ASAP1: variants seen among roughly 807,000 people sequenced by gnomAD.
The protein encoded by ASAP1 is ArfGAP with SH3 domain, ankyrin repeat and PH domain 1, also known as arf-GAP with SH3 domain, ANK repeat and PH domain-containing protein 1.
ASAP1 carries 43 observed loss-of-function variants against 145.2 expected under a neutral mutation model. The ratio of observed to expected loss-of-function variants is 0.30; its 90% CI spans 0.23 to 0.38. The LOEUF (loss-of-function observed/expected upper bound fraction) is 0.38. Ranked by LOEUF, ASAP1 falls within the 10% of genes least tolerant of loss-of-function variation. The pLI is 1.00. For missense variants in ASAP1, 1,018 were observed against 1,355.3 expected, an observed-to-expected ratio of 0.75 and a Z score of 3.91; for synonymous variants, 546 against 515.5, an observed-to-expected ratio of 1.06 and a Z score of -0.80.
At chr8:130,395,101 G>A (rs1456250433) in intron 2 of ASAP1, among the ~76,000 whole-genome samples, 2 of 152,134 alleles carry the variant, frequency 1.3e-5, no homozygotes, top group African/African-American at 4.8e-5. Context: ...CCCTGCCGCA[G>A]CACAAGAAAA....
intron 2 of ASAP1, among the ~76,000 whole-genome samples, chr8:130,397,439 C>A (rs1034374321): frequency 6.6e-6 from 1 of 152,212 alleles, no homozygotes; most frequent in Non-Finnish European, 1.5e-5. Context: ...CCATGCCCAG[C>A]CCGTATATTT....
chr8:130,201,506 G>A (rs1021182234), intron 5 of ASAP1, among the ~76,000 whole-genome samples: 1 of 152,158 alleles, frequency 6.6e-6, no homozygotes, highest in Non-Finnish European at 1.5e-5. Flanking sequence ...AGTAAATGGT[G>A]GGTTAGATTT....
intron 9 of ASAP1, among the ~76,000 whole-genome samples, chr8:130,170,869 C>A (rs1813548396): frequency 6.6e-6 from 1 of 152,062 alleles, no homozygotes; most frequent in Admixed American, 6.6e-5. Flanking sequence ...CAGAGGCACC[C>A]CACCATGCCT....
chr8:130,296,964 T>C lies in ASAP1; in HGVS notation c.187-59970A>G, dbSNP rs578040952. ...TGGGGGGCTAAGTGGATGAGAGAGG[T>C]AAGAGTTCCCACCTATTAGAAGGGC... On this transcript the variant is annotated intron_variant, in intron 3 of 29. Coordinates refer to ENST00000518721, the MANE Select transcript of ASAP1 (RefSeq NM_018482.4). 3.3e-5 allele frequency among the ~76,000 whole-genome samples: 5 copies of C among 152,062 alleles called. No individual in the cohort carries two copies. In the South Asian group the frequency reaches 1.0e-3, roughly 32 times the overall value.
chr8:130,442,764 C>A (rs1283295577), intron 1 of ASAP1, among the ~76,000 whole-genome samples: 3 of 152,106 alleles, frequency 2.0e-5, no homozygotes, highest in Non-Finnish European at 1.5e-5. Flanking sequence ...CCAAGATGAA[C>A]CTCTTGGGAT....
chr8:130,434,682 G>C (rs1830249059), intron 1 of ASAP1, among the ~76,000 whole-genome samples: 1 of 152,134 alleles, frequency 6.6e-6, no homozygotes, highest in Non-Finnish European at 1.5e-5. Context: ...GAGAACCACT[G>C]GCCAGAGGAG....
intron 4 of ASAP1, among the ~76,000 whole-genome samples, chr8:130,215,138 G>A (rs1488370414): frequency 1.3e-5 from 2 of 152,016 alleles, no homozygotes; most frequent in Non-Finnish European, 2.9e-5. Context: ...CTGACCTTGT[G>A]ATCCGCCCAC....
chr8:130,371,961 T>A (rs1827233315), intron 2 of ASAP1, among the ~76,000 whole-genome samples: 1 of 152,154 alleles, frequency 6.6e-6, no homozygotes, highest in African/African-American at 2.4e-5. Flanking sequence ...TCAGAAGTGG[T>A]CAAATGAGAA....
chr8:130,094,575 G>A (rs2097513267), intron 24 of ASAP1, among the ~76,000 whole-genome samples: 1 of 152,132 alleles, frequency 6.6e-6, no homozygotes, highest in Non-Finnish European at 1.5e-5. Flanking sequence ...TACTAACTCT[G>A]TGAAGTATGT....
At chr8:130,359,911 C>A (rs1826628046) in intron 2 of ASAP1, among the ~76,000 whole-genome samples, 1 of 152,250 alleles carries the variant, frequency 6.6e-6, no homozygotes, top group South Asian at 2.1e-4. Flanking sequence ...GCGTGAGCCA[C>A]CGCGCCCGGC....
chr8:130,261,658 T>C (rs558221210), intron 3 of ASAP1, among the ~76,000 whole-genome samples: 1 of 152,226 alleles, frequency 6.6e-6, no homozygotes, highest in Non-Finnish European at 1.5e-5. Context: ...CAGGTGGAAG[T>C]ACCCTGAGGC....
At chr8:130,319,496 C>A (rs1322642209) in intron 3 of ASAP1, among the ~76,000 whole-genome samples, 2 of 152,066 alleles carry the variant, frequency 1.3e-5, no homozygotes, top group Admixed American at 1.3e-4. Context: ...TATGGGAACA[C>A]TGAGTGGCAC....
chr8:130,109,193 G>A (rs1473200168), intron 24 of ASAP1, among the ~76,000 whole-genome samples: 5 of 152,046 alleles, frequency 3.3e-5, no homozygotes, highest in Admixed American at 6.6e-5. Flanking sequence ...TTAGTCTCTC[G>A]GGACCCCACA....
At chr8:130,377,734 G>A (rs1415707731) in intron 2 of ASAP1, among the ~76,000 whole-genome samples, 1 of 152,182 alleles carries the variant, frequency 6.6e-6, no homozygotes, top group Admixed American at 6.5e-5. Context: ...AGTCAGAGGA[G>A]GGGAGTGCTC....
At chr8:130,285,094 A>T (rs1821524920) in intron 3 of ASAP1, among the ~76,000 whole-genome samples, 1 of 152,200 alleles carries the variant, frequency 6.6e-6, no homozygotes. Context: ...CCTTGACAGC[A>T]ACACTTTGGA....
chr8:130,282,069 GAA>G (rs36024310), intron 3 of ASAP1, among the ~76,000 whole-genome samples: 65 of 127,960 alleles, frequency 5.1e-4, no homozygotes, highest in Non-Finnish European at 6.3e-4. Flanking sequence ...ACTCTGCCTC[GAA>G]AAAAAAAAAA....
intron 1 of ASAP1, among the ~76,000 whole-genome samples, chr8:130,409,609 C>A (rs1218512325): frequency 1.3e-5 from 2 of 152,252 alleles, no homozygotes; most frequent in African/African-American, 4.8e-5. Context: ...AGAAGCCCAC[C>A]CCAAGAAGAA....
At chr8:130,440,400 A>C (rs1033817665) in intron 1 of ASAP1, among the ~76,000 whole-genome samples, 1 of 151,840 alleles carries the variant, frequency 6.6e-6, no homozygotes, top group Admixed American at 6.6e-5. Context: ...CCAGCTACTC[A>C]GGAGGCTGAG....
intron 1 of ASAP1, among the ~76,000 whole-genome samples, chr8:130,431,211 G>T (rs750714783): frequency 3.1e-4 from 47 of 152,026 alleles, no homozygotes; most frequent in Non-Finnish European, 6.3e-4. Context: ...AAGAGCATCA[G>T]AGCTGGCCTT....
Sources: allele counts gnomAD v4.1 joint callset (sites outside exome capture counted in the v4.1 genomes callset), GRCh38; gene constraint gnomAD v4.1.1; transcripts MANE v1.5; gene names NCBI Gene and HGNC (gene_info 2026-07-23, HGNC 2026-07-21).